Variants in TPO observed in about 807,000 individuals in gnomAD.
The protein encoded by TPO is thyroid peroxidase, also known as thyroid microsomal antigen.
In TPO, 78 loss-of-function variants were observed where a neutral mutation model predicts 96.9. That is an observed-to-expected ratio of 0.81 (90% CI 0.67 to 0.97). The LOEUF (loss-of-function observed/expected upper bound fraction) is 0.97, where lower values mean the gene tolerates loss of function less well. Ranked by LOEUF, TPO falls within the 50% of genes least tolerant of loss-of-function variation. The probability of loss-of-function intolerance (pLI) is 0.00; values close to 1 mark genes in which losing one functional copy is unlikely to be tolerated. For missense variants in TPO, 1,252 were observed against 1,274.8 expected (o/e 0.98, Z 0.27); for synonymous variants, 547 against 538.0 (o/e 1.02, Z -0.23).
At chr2:1,497,808 C>T (rs553864674) in intron 13 of TPO, among the ~76,000 whole-genome samples, 210 of 152,156 alleles carry the variant, frequency 1.4e-3, no homozygotes, top group Middle Eastern at 6.8e-3. Context: ...GAGATGGTCT[C>T]GTGCAAGAAT....
intron 9 of TPO, among the ~76,000 whole-genome samples, chr2:1,486,365 T>C (rs28911471): frequency 0.026 from 3,898 of 151,852 alleles, 73 homozygotes; most frequent in Admixed American, 0.044. Flanking sequence ...CTACTAAAAA[T>C]ACAAAATAAA....
chr2:1,480,660 C>A (rs1354905448), intron 8 of TPO, among the ~76,000 whole-genome samples: 1 of 96,878 alleles, frequency 1.0e-5, no homozygotes, highest in Non-Finnish European at 2.3e-5. Flanking sequence ...GAAAGGTCAT[C>A]TCAGAGCCGG....
rs114796303 is a variant in TPO at position 1,484,844 on chromosome 2, A to C, written c.1587A>C (p.Leu529Phe). ...LHQAFFSPWTLLRGGGLDPLI... is the reference protein window; with the variant it reads ...LHQAFFSPWTFLRGGGLDPLI... ...AGGCTTTCTTCAGCCCATGGACATT[A>C]CTCCGTGGAGGTGAGTGAGTGCGGT... Residue 529 changes from leucine (L) to phenylalanine (F), a missense_variant, in exon 9 of 17, where the codon TTA (leucine) becomes TTC (phenylalanine). Coordinates refer to ENST00000329066, the MANE Select transcript of TPO (RefSeq NM_001206744.2). 3.1e-3 allele frequency: 5,034 copies of C among 1,613,332 alleles called. 111 individuals are homozygous for C. The African/African-American group carries it at 0.055, about 18-fold the overall frequency.
At chr2:1,383,010 A>G (rs1661833656) in intron 1 of TPO, among the ~76,000 whole-genome samples, 1 of 151,678 alleles carries the variant, frequency 6.6e-6, no homozygotes. Context: ...TTTGCTGAGA[A>G]TGATGGTTTC....
At chr2:1,432,909 A>G (rs572153072) in intron 3 of TPO, among the ~76,000 whole-genome samples, 2 of 152,150 alleles carry the variant, frequency 1.3e-5, no homozygotes, top group East Asian at 1.9e-4. Flanking sequence ...TTCTTATTCT[A>G]TGAGGGTGTG....
intron 14 of TPO, among the ~76,000 whole-genome samples, chr2:1,508,576 C>G (rs923125348): frequency 6.6e-6 from 1 of 152,150 alleles, no homozygotes; most frequent in Non-Finnish European, 1.5e-5. Context: ...TGTTATTGGT[C>G]TATTCAGAGA....
At chr2:1,477,753 C>T in intron 8 of TPO, 149 bp downstream of exon 8, 1 of 1,368,402 alleles carries the variant, frequency 7.3e-7, no homozygotes, top group Non-Finnish European at 9.4e-7. Flanking sequence ...TCGTGGGGCC[C>T]TGTGTGGGTG....
intron 2 of TPO, among the ~76,000 whole-genome samples, chr2:1,422,335 CT>C (rs772750483): frequency 0.037 from 2,390 of 63,772 alleles, 61 homozygotes; most frequent in Admixed American, 0.059. Context: ...GCAGGCGCCT[CT>C]CCTGGACCGA....
chr2:1,526,087 C>T (rs1676421146), intron 15 of TPO, among the ~76,000 whole-genome samples: 1 of 119,718 alleles, frequency 8.4e-6, no homozygotes, highest in Admixed American at 8.7e-5. Context: ...CAAATCCTCC[C>T]ACTGTGCGCA....
chr2:1,386,898 G>A (rs1661904450), intron 1 of TPO, among the ~76,000 whole-genome samples: 1 of 152,126 alleles, frequency 6.6e-6, no homozygotes, highest in African/African-American at 2.4e-5. Flanking sequence ...CTCTTTTAGG[G>A]CAGGCCTGGT....
intron 5 of TPO, among the ~76,000 whole-genome samples, chr2:1,438,573 C>A (rs4425119): frequency 7.0e-6 from 1 of 143,380 alleles, no homozygotes; most frequent in East Asian, 2.2e-4. Context: ...GGGCCACCCC[C>A]CACCCACCCC....
intron 15 of TPO, among the ~76,000 whole-genome samples, chr2:1,537,090 CGTCCACTGTGTGCAACCTCCCTAGA>C (rs1679902679): frequency 9.2e-6 from 1 of 108,858 alleles, no homozygotes; most frequent in Non-Finnish European, 2.0e-5. Flanking sequence ...TCACCAAATC[CGTCCACTGTGTGCAACCTCCCTAGA>C]TCCCCCCTAT....
intron 15 of TPO, among the ~76,000 whole-genome samples, chr2:1,520,845 A>C (rs1256831988): frequency 2.0e-5 from 3 of 152,182 alleles, no homozygotes. Flanking sequence ...CCTTTGTGTT[A>C]TGATTTCTTC....
chr2:1,532,202 A>G (rs909765447), intron 15 of TPO, among the ~76,000 whole-genome samples: 3 of 10,694 alleles, frequency 2.8e-4, no homozygotes, highest in African/African-American at 3.9e-4. Context: ...CAAATCCCCC[A>G]CCACTGTGAG....
intron 5 of TPO, among the ~76,000 whole-genome samples, chr2:1,448,704 G>A (rs1168864107): frequency 6.6e-6 from 1 of 152,180 alleles, no homozygotes; most frequent in Non-Finnish European, 1.5e-5. Flanking sequence ...CAGGTAAATG[G>A]CTGGAGATTG....
Position 1,396,671 on chromosome 2 carries a change from T to C in TPO, n.180+22269T>C, listed in dbSNP as rs561488745. 8.5e-5 allele frequency among the ~76,000 whole-genome samples: 13 copies of C among 152,178 alleles called. No individual in the cohort carries two copies. In the South Asian group the frequency reaches 2.7e-3, roughly 32 times the overall value. On this transcript the variant is annotated intron_variant and non_coding_transcript_variant, in intron 1 of 5. Transcript: ENST00000497517. Reference sequence around the variant, plus strand: ...ATCGCGTCACGGGGAGACAGTCTCATCCCAAATCCCACCTTTGCCATCAGG... The same window carrying C: ...ATCGCGTCACGGGGAGACAGTCTCACCCCAAATCCCACCTTTGCCATCAGG...
At chr2:1,432,030 T>C (rs1665027618) in intron 3 of TPO, among the ~76,000 whole-genome samples, 1 of 152,252 alleles carries the variant, frequency 6.6e-6, no homozygotes, top group East Asian at 1.9e-4. Context: ...ACACCTGCCG[T>C]GGTCACTTGG....
intron 15 of TPO, among the ~76,000 whole-genome samples, chr2:1,525,333 CT>C: frequency 6.9e-6 from 1 of 145,286 alleles, no homozygotes; most frequent in Non-Finnish European, 1.5e-5. Context: ...CTCAAATCCC[CT>C]CACTATGTGC....
intron 7 of TPO, among the ~76,000 whole-genome samples, chr2:1,471,152 C>T (rs1219274990): frequency 6.6e-6 from 1 of 152,164 alleles, no homozygotes; most frequent in Non-Finnish European, 1.5e-5. Flanking sequence ...ATTACCTTGT[C>T]TAAAATCAAA....
Sources: allele counts gnomAD v4.1 joint callset (sites outside exome capture counted in the v4.1 genomes callset), GRCh38; gene constraint gnomAD v4.1.1; transcripts MANE v1.5; gene names NCBI Gene and HGNC (gene_info 2026-07-23, HGNC 2026-07-21).